The following TGFBR3 variants were observed in gnomAD, a reference collection of about 807,000 sequenced individuals.
TGFBR3 encodes the protein transforming growth factor beta receptor type 3.
In TGFBR3, 46 loss-of-function variants were observed where a neutral mutation model predicts 87.9. The observed-to-expected ratio is 0.52, with a 90% CI of 0.41 to 0.67. The LOEUF (loss-of-function observed/expected upper bound fraction) is 0.67, where lower values mean the gene tolerates loss of function less well. Among genes scored for constraint, TGFBR3 ranks in the 30% least tolerant of loss-of-function variants. The pLI is 0.00. For missense variants in TGFBR3, 866 were observed against 1,041.9 expected (o/e 0.83, Z 2.32); for synonymous variants, 381 against 391.6 (o/e 0.97, Z 0.32).
At chr1:91,780,932 C>CACAG (rs1255658793) in intron 3 of TGFBR3, among the ~76,000 whole-genome samples, 7 of 130,756 alleles carry the variant, frequency 5.4e-5, no homozygotes, top group South Asian at 2.5e-4. Context: ...CACACACACA[C>CACAG]AGAGATCTCA....
At chr1:91,743,349 T>C (rs1557687608) in intron 4 of TGFBR3, among the ~76,000 whole-genome samples, 1 of 152,022 alleles carries the variant, frequency 6.6e-6, no homozygotes. Context: ...CCAGATGAAG[T>C]CTTGAGGAAA....
At chr1:91,763,015 AT>A (rs756398667) in intron 3 of TGFBR3, among the ~76,000 whole-genome samples, 11 of 152,256 alleles carry the variant, frequency 7.2e-5, no homozygotes, top group Non-Finnish European at 1.5e-4. Flanking sequence ...GGACCTTGTT[AT>A]AGTGAAGGCT....
At chr1:91,882,369 T>C (rs2101293505) in intron 1 of TGFBR3, among the ~76,000 whole-genome samples, 1 of 151,666 alleles carries the variant, frequency 6.6e-6, no homozygotes, top group South Asian at 2.1e-4. Context: ...ACTCCTGACC[T>C]CAAGTGATCC....
chr1:91,875,757 G>A (rs111348036), intron 1 of TGFBR3, among the ~76,000 whole-genome samples: 5,620 of 125,294 alleles, frequency 0.045, 169 homozygotes, highest in Non-Finnish European at 0.07. Context: ...GCATGGTGGC[G>A]CACACCTGTA....
chr1:91,761,664 G>A (rs887004500), intron 3 of TGFBR3, among the ~76,000 whole-genome samples: 6 of 151,330 alleles, frequency 4.0e-5, no homozygotes, highest in Admixed American at 3.3e-4. Flanking sequence ...GCTAACAAAA[G>A]AACCATGGTA....
upstream of TGFBR3, among the ~76,000 whole-genome samples, chr1:91,888,394 A>C (rs1259874335): frequency 6.6e-6 from 1 of 152,218 alleles, no homozygotes; most frequent in Admixed American, 6.5e-5. Context: ...CTAGGTGTGA[A>C]TATTTAATCC....
chr1:91,717,016 C>T (rs1223745034), intron 10 of TGFBR3, among the ~76,000 whole-genome samples: 1 of 152,186 alleles, frequency 6.6e-6, no homozygotes, highest in Non-Finnish European at 1.5e-5. Context: ...TGGGAAAACA[C>T]TAGATACTAG....
chr1:91,763,907 A>G (rs1460625087), intron 3 of TGFBR3, among the ~76,000 whole-genome samples: 2 of 152,202 alleles, frequency 1.3e-5, no homozygotes, highest in Non-Finnish European at 1.5e-5. Flanking sequence ...TTTATTCACC[A>G]TTGCTTGTCC....
intron 3 of TGFBR3, among the ~76,000 whole-genome samples, chr1:91,762,592 T>C (rs1674011525): frequency 6.6e-6 from 1 of 152,236 alleles, no homozygotes; most frequent in Admixed American, 6.5e-5. Context: ...GAGTTCCTGT[T>C]CTAACCATGC....
intron 2 of TGFBR3, 34 bp downstream of exon 2, chr1:91,861,437 A>G (rs1678181395): frequency 2.0e-6 from 3 of 1,521,426 alleles, no homozygotes; most frequent in Admixed American, 1.7e-5. Flanking sequence ...CCAAAAATAT[A>G]TAACAAATAT....
At chr1:91,820,832 C>A (rs967424133) in intron 2 of TGFBR3, among the ~76,000 whole-genome samples, 288 of 152,238 alleles carry the variant, frequency 1.9e-3, no homozygotes, top group African/African-American at 6.6e-3. Context: ...AATTTATTAA[C>A]CTTCTAAAAC....
At chr1:91,736,998 A>G (rs1242411572) in intron 4 of TGFBR3, among the ~76,000 whole-genome samples, 3 of 152,154 alleles carry the variant, frequency 2.0e-5, no homozygotes, top group Non-Finnish European at 4.4e-5. Context: ...ATCAACGGCA[A>G]CTCCGAATTG....
intron 15 of TGFBR3, 98 bp downstream of exon 15, chr1:91,697,991 C>A (rs1671488149): frequency 8.8e-7 from 1 of 1,131,032 alleles, no homozygotes; most frequent in Non-Finnish European, 1.4e-6. Flanking sequence ...GCAGAAGTCT[C>A]CTTATCAAAA....
intron 14 of TGFBR3, among the ~76,000 whole-genome samples, chr1:91,707,551 C>T (rs1557667941): frequency 6.6e-6 from 1 of 152,214 alleles, no homozygotes; most frequent in East Asian, 1.9e-4. Context: ...GGTGTCAGCA[C>T]CACCCAGCAG....
intron 5 of TGFBR3, among the ~76,000 whole-genome samples, chr1:91,731,994 T>C (rs1672792283): frequency 6.6e-6 from 1 of 152,166 alleles, no homozygotes. Context: ...GCATCAAAAC[T>C]TATACCGAGT....
intron 1 of TGFBR3, among the ~76,000 whole-genome samples, chr1:91,866,468 G>T (rs150962259): frequency 7.9e-4 from 120 of 152,274 alleles, no homozygotes; most frequent in African/African-American, 2.8e-3. Flanking sequence ...TATATGCCAG[G>T]CACTGTTCAA....
intron 2 of TGFBR3, among the ~76,000 whole-genome samples, chr1:91,848,020 G>A (rs1384761254): frequency 6.6e-6 from 1 of 152,096 alleles, no homozygotes; most frequent in Non-Finnish European, 1.5e-5. Context: ...GTTTCTGCAG[G>A]TGCACCACAC....
Position 91,680,882 on chromosome 1 carries a change from A to T in TGFBR3, c.*2857T>A. On this transcript the variant is annotated 3_prime_UTR_variant, in exon 17 of 17. Transcript: ENST00000212355. ...AAAAAACCATTTTTTTTGTTTAGAAAATGCTATAGAAACAGTTTAGACAGA... is the reference window on the plus strand; with the variant it reads ...AAAAAACCATTTTTTTTGTTTAGAATATGCTATAGAAACAGTTTAGACAGA... The T allele has an allele frequency of 2.2e-6, 1 of 448,240 alleles. No homozygotes were observed. The highest frequency in any genetic ancestry group is 1.6e-5 in the South Asian group (1 of 63,134). The allele number at this position is 448,240 out of a possible 1,614,324, so 27.8% of individuals were successfully genotyped here.
At chr1:91,742,733 AGC>A (rs1412873453) in intron 4 of TGFBR3, among the ~76,000 whole-genome samples, 1 of 152,186 alleles carries the variant, frequency 6.6e-6, no homozygotes, top group Non-Finnish European at 1.5e-5. Flanking sequence ...GGAACCATGA[AGC>A]ACTTTACAGT....
Sources: allele counts gnomAD v4.1 joint callset (sites outside exome capture counted in the v4.1 genomes callset), GRCh38; gene constraint gnomAD v4.1.1; transcripts MANE v1.5; gene names NCBI Gene and HGNC (gene_info 2026-07-23, HGNC 2026-07-21).